Variants in AHR observed in about 807,000 individuals in gnomAD.
The protein encoded by AHR is aryl hydrocarbon receptor, also known as AH-receptor.
AHR carries 40 observed loss-of-function variants against 86.8 expected under a neutral mutation model. The observed-to-expected ratio is 0.46, with a 90% CI of 0.36 to 0.60. AHR has a LOEUF of 0.60. Among genes scored for constraint, AHR ranks in the 20% least tolerant of loss-of-function variants. The pLI is 0.00. For synonymous variants in AHR, 398 were observed against 354.9 expected, an observed-to-expected ratio of 1.12 and a Z score of -1.37; for missense variants, 1,001 against 1,011.6, an observed-to-expected ratio of 0.99 and a Z score of 0.14.
At position 17,335,723 on chromosome 7, in the gene AHR, A is replaced by G; in HGVS notation, c.1097A>G (p.Asn366Ser). Residue 366 changes from asparagine (N) to serine (S), a missense_variant, in exon 9 of 11, where the codon AAT (asparagine) becomes AGT (serine). Asn to Ser is a conservative substitution (Grantham distance 46, BLOSUM62 1). Around this residue, in one of 2 missense-constraint regions of AHR, gnomAD observed 394 missense variants for 468.5 expected, o/e 0.84. Transcript: ENST00000242057. Reference protein sequence around the residue: ...KNNRWTWVQSNARLLYKNGRP... With the variant: ...KNNRWTWVQSSARLLYKNGRP... ...AACCGATGGACTTGGGTCCAGTCTA[A>G]TGCACGCCTGCTTTATAAAAATGGA... 1 of 1,612,340 alleles carries G rather than the reference A, an allele frequency of 6.2e-7. No homozygotes were observed. Among genetic ancestry groups the G allele is most frequent in the Non-Finnish European group, 8.5e-7 (1 of 1,178,950 alleles).
At position 17,330,882 on chromosome 7, in the gene AHR, TTCTGG is replaced by T; in HGVS notation, c.703_705+2del. On this transcript the variant is annotated splice_donor_variant and coding_sequence_variant, in exon 6 of 11. Transcript: ENST00000242057. LOFTEE classifies it high-confidence loss of function. Reference sequence around the variant, plus strand: ...TGTCTGCTGGATAATTCATCTGGTTTTCTGGTAAGGTACAAAATTTTATGATACTG... The same window carrying T: ...TGTCTGCTGGATAATTCATCTGGTTTTAAGGTACAAAATTTTATGATACTG... The T allele has an allele frequency of 6.2e-7, 1 of 1,611,480 alleles. No individual in the cohort carries two copies. Among genetic ancestry groups the T allele is most frequent in the Non-Finnish European group, 8.5e-7 (1 of 1,178,362 alleles).
Position 17,339,844 on chromosome 7 carries a change from T to C in AHR, c.2019T>C (p.Asn673=). The change falls in exon 10 of 11, where the codon AAT becomes AAC. Residue 673 remains asparagine (N), a synonymous_variant. Coordinates refer to ENST00000242057, the MANE Select transcript of AHR (RefSeq NM_001621.5). ...NCPQQDPQQY[N]VFTDLHGISQ... is the part of the protein sequence containing the mutation. ...CACAGCAAGACCCACAACAATATAA[T>C]GTCTTTACAGACTTACATGGGATCA... The C allele has an allele frequency of 1.9e-6, 3 of 1,614,232 alleles. No individual in the cohort carries two copies. Among genetic ancestry groups the C allele is most frequent in the Middle Eastern group, 1.6e-4 (1 of 6,062 alleles).
chr7:17,342,824 G>A (rs1310641353), intron 10 of AHR, 97 bp from the exon 11 acceptor site: 3 of 1,212,094 alleles, frequency 2.5e-6, no homozygotes, highest in Non-Finnish European at 3.5e-6. Flanking sequence ...ACAACTCTCA[G>A]GGGTAAGATT....
intron 2 of AHR, among the ~76,000 whole-genome samples, chr7:17,321,623 AG>A (rs1307935182): frequency 6.6e-6 from 1 of 151,686 alleles, no homozygotes; most frequent in Non-Finnish European, 1.5e-5. Context: ...ACACACAGTG[AG>A]GAAAAAAAAG....
chr7:17,336,742 G>T (rs1053769740), intron 9 of AHR, among the ~76,000 whole-genome samples: 6 of 152,190 alleles, frequency 3.9e-5, no homozygotes, highest in African/African-American at 1.4e-4. Flanking sequence ...GTATATGAGT[G>T]CATGGGTATG....
intron 4 of AHR, among the ~76,000 whole-genome samples, chr7:17,328,911 A>G (rs1782256196): frequency 6.6e-6 from 1 of 152,004 alleles, no homozygotes; most frequent in African/African-American, 2.4e-5. Context: ...TGCTACCACA[A>G]AGTCTAAACT....
chr7:17,328,802 T>C (rs1367677927), intron 4 of AHR, among the ~76,000 whole-genome samples: 2 of 152,054 alleles, frequency 1.3e-5, no homozygotes, highest in African/African-American at 4.8e-5. Context: ...CTTTTGGAAA[T>C]TGTGTAATGG....
intron 1 of AHR, among the ~76,000 whole-genome samples, chr7:17,302,757 C>T (rs1781966842): frequency 6.6e-6 from 1 of 150,988 alleles, no homozygotes; most frequent in South Asian, 2.1e-4. Flanking sequence ...CAATAAAGCA[C>T]GACAGTCAGC....
intron 2 of AHR, among the ~76,000 whole-genome samples, chr7:17,320,328 C>CT (rs1321805137): frequency 2.0e-5 from 3 of 152,038 alleles, no homozygotes; most frequent in African/African-American, 7.2e-5. Flanking sequence ...ATAAATTACT[C>CT]TAAGATGAAT....
At chr7:17,332,045 C>G (rs1241763713) in intron 6 of AHR, among the ~76,000 whole-genome samples, 1 of 151,798 alleles carries the variant, frequency 6.6e-6, no homozygotes, top group Non-Finnish European at 1.5e-5. Context: ...ATGCTTTGGT[C>G]AATAACAGAC....
intron 9 of AHR, among the ~76,000 whole-genome samples, chr7:17,337,974 C>T (rs906456352): frequency 3.3e-5 from 5 of 150,840 alleles, no homozygotes; most frequent in South Asian, 4.2e-4. Flanking sequence ...CCGAGGCGGG[C>T]GGATCACGAG....
intron 3 of AHR, among the ~76,000 whole-genome samples, chr7:17,324,801 GA>G (rs71816868): frequency 0.14 from 19,561 of 138,654 alleles, 1,480 homozygotes; most frequent in East Asian, 0.39. Flanking sequence ...GACTCCATCT[GA>G]AAAAAAAAAA....
intron 6 of AHR, 126 bp downstream of exon 6, chr7:17,331,012 G>A: frequency 1.1e-6 from 1 of 909,880 alleles, no homozygotes; most frequent in Non-Finnish European, 1.6e-6. Context: ...CTCAGAACCA[G>A]AGAGCTTCAG....
At chr7:17,338,913 C>A in intron 9 of AHR, 73 bp from the exon 10 acceptor site, 1 of 1,378,590 alleles carries the variant, frequency 7.3e-7, no homozygotes. Flanking sequence ...TTATGTTTTT[C>A]TTTTTTAAAT....
Position 17,339,386 on chromosome 7 carries a change from A to T in AHR, c.1561A>T (p.Asn521Tyr), listed in dbSNP as rs1187774800. 1 of 1,614,122 alleles carries T rather than the reference A, an allele frequency of 6.2e-7. No individual in the cohort carries two copies. The highest frequency in any genetic ancestry group is 8.5e-7 in the Non-Finnish European group (1 of 1,180,048). ...HEQIDQPQDV[N>Y]SFAGGHPGLF... is the part of the protein sequence containing the mutation. ...GCAAATTGACCAGCCTCAGGATGTG[A>T]ACTCATTTGCTGGAGGTCACCCAGG... The change falls in exon 10 of 11, where the codon AAC becomes TAC. Residue 521 changes from asparagine to tyrosine, a missense_variant. Physicochemically the swap from Asn to Tyr is moderately radical, Grantham distance 143. Around this residue, in one of 2 missense-constraint regions of AHR, gnomAD observed 607 missense variants for 543.1 expected, o/e 1.12. Transcript: ENST00000242057.
At chr7:17,321,625 GA>G (rs956628842) in intron 2 of AHR, among the ~76,000 whole-genome samples, 1 of 82,074 alleles carries the variant, frequency 1.2e-5, no homozygotes, top group Non-Finnish European at 3.2e-5. Context: ...ACACAGTGAG[GA>G]AAAAAAAGAA....
At chr7:17,331,900 A>G (rs1782299370) in intron 6 of AHR, among the ~76,000 whole-genome samples, 1 of 151,996 alleles carries the variant, frequency 6.6e-6, no homozygotes, top group African/African-American at 2.4e-5. Context: ...AACATTACCA[A>G]GCAATGATTT....
chr7:17,316,509 C>T (rs1463697932), intron 2 of AHR, among the ~76,000 whole-genome samples: 3 of 152,160 alleles, frequency 2.0e-5, no homozygotes, highest in South Asian at 2.1e-4. Flanking sequence ...CCCAGTTATT[C>T]GTGACACTGA....
Position 17,339,967 on chromosome 7 carries a change from T to C in AHR, c.2142T>C (p.Cys714=). The change falls in exon 10 of 11, where the codon TGT becomes TGC. Residue 714 remains cysteine (C), a synonymous_variant. Coordinates refer to ENST00000242057, the MANE Select transcript of AHR (RefSeq NM_001621.5). ...NQPVLPQHSK[C]TELDYPMGSF... ...CTGTATTACCACAACATTCCAAATG[T>C]ACAGAGCTGGACTACCCTATGGGGA... is the stretch of plus-strand genomic sequence containing the variant. 6.2e-7 allele frequency: 1 copy of C among 1,614,196 alleles called. No individual in the cohort carries two copies. The highest frequency in any genetic ancestry group is 1.3e-5 in the African/African-American group (1 of 75,054).
Sources: allele counts gnomAD v4.1 joint callset (sites outside exome capture counted in the v4.1 genomes callset), GRCh38; gene constraint gnomAD v4.1.1; regional missense constraint gnomAD v4.1.1; transcripts MANE v1.5; gene names NCBI Gene and HGNC (gene_info 2026-07-23, HGNC 2026-07-21).